AEN: variants seen among roughly 807,000 people sequenced by gnomAD.
AEN encodes the protein apoptosis-enhancing nuclease.
A neutral mutation model predicts 17.7 loss-of-function variants in AEN; 21 were observed. The observed-to-expected ratio is 1.19, with a 90% CI of 0.84 to 1.71. The LOEUF (loss-of-function observed/expected upper bound fraction) is 1.71. AEN is among the 40% of genes most tolerant of loss of function. The pLI is 0.00. For missense variants in AEN, 462 were observed against 435.9 expected, an observed-to-expected ratio of 1.06 and a Z score of -0.53; for synonymous variants, 190 against 173.0, an observed-to-expected ratio of 1.10 and a Z score of -0.77.
At chr15:88,625,736 A>T (rs1855981348) in intron 1 of AEN, among the ~76,000 whole-genome samples, 1 of 152,202 alleles carries the variant, frequency 6.6e-6, no homozygotes, top group African/African-American at 2.4e-5. Context: ...TTAGCTAAAA[A>T]TCACAGCAGA....
At chr15:88,625,443 T>C (rs890839824) in intron 1 of AEN, among the ~76,000 whole-genome samples, 1 of 152,156 alleles carries the variant, frequency 6.6e-6, no homozygotes, top group Admixed American at 6.5e-5. Flanking sequence ...ACTTGAGCCC[T>C]GCAGTGAGCT....
chr15:88,626,173 C>T lies in AEN; in HGVS notation c.-37C>T, dbSNP rs2057849069. The T allele has an allele frequency of 2.6e-6, 4 of 1,529,130 alleles. No individual in the cohort carries two copies. The highest frequency in any genetic ancestry group is 2.1e-5 in the Admixed American group (1 of 48,460). 94.7% of individuals were successfully genotyped at this position (1,529,130 alleles called of 1,614,324 possible). A position where few individuals can be genotyped will look rare whatever the true frequency, so the allele number is the denominator to read the frequency against. ...TGCTGCCCCATTGGAAGATTACTCCCCAGGCTTCCCTTGCCCCAAGCAGTG... is the reference window on the plus strand; with the variant it reads ...TGCTGCCCCATTGGAAGATTACTCCTCAGGCTTCCCTTGCCCCAAGCAGTG... On this transcript the variant is annotated 5_prime_UTR_variant, in exon 2 of 4. Transcript: ENST00000332810.
intron 1 of AEN, among the ~76,000 whole-genome samples, chr15:88,624,691 C>A (rs1204298954): frequency 3.3e-5 from 5 of 152,198 alleles, no homozygotes; most frequent in Non-Finnish European, 1.5e-5. Flanking sequence ...TGAGACCAGC[C>A]TGTCCAACAT....
At chr15:88,614,536 CT>C in the AEN span, among the ~76,000 whole-genome samples, 1 of 152,150 alleles carries the variant, frequency 6.6e-6, no homozygotes, top group Non-Finnish European at 1.5e-5. Context: ...TTATTGGAGT[CT>C]CAACACAAAA....
upstream of AEN, among the ~76,000 whole-genome samples, chr15:88,620,278 A>G (rs1373274739): frequency 6.6e-6 from 1 of 152,154 alleles, no homozygotes; most frequent in Non-Finnish European, 1.5e-5. Context: ...TGTAAAACTG[A>G]AATAATAGTA....
At position 88,630,510 on chromosome 15, in the gene AEN, T is replaced by C; in HGVS notation, c.*216T>C. On this transcript the variant is annotated 3_prime_UTR_variant, in exon 4 of 4. Transcript: ENST00000332810. The surrounding 1 kb of genome is among the most constrained non-coding windows in gnomAD (Gnocchi z 5.1). ...GCTGTTGGTTCTTTCTTCTGACTCC[T>C]GTGGTTTTGCTAATGGCACTTTACA... is the stretch of plus-strand genomic sequence containing the variant. The C allele has an allele frequency of 1.8e-6, 1 of 564,966 alleles. No individual in the cohort carries two copies. Among genetic ancestry groups the C allele is most frequent in the Non-Finnish European group, 3.2e-6 (1 of 314,956 alleles). 35.0% of individuals were successfully genotyped at this position (564,966 alleles called of 1,614,324 possible). A position where few individuals can be genotyped will look rare whatever the true frequency, so the allele number is the denominator to read the frequency against.
chr15:88,619,862 C>T (rs1433568372), upstream of AEN, among the ~76,000 whole-genome samples: 2 of 152,124 alleles, frequency 1.3e-5, no homozygotes, highest in Non-Finnish European at 2.9e-5. Context: ...GTGGGGAGCT[C>T]TTTATCCTCC....
At chr15:88,627,054 T>G (rs1239233092) in intron 2 of AEN, 1 of 340,216 alleles carries the variant, frequency 2.9e-6, no homozygotes, top group South Asian at 3.9e-5. Flanking sequence ...CGCATTGATA[T>G]AAAATTTGTA....
chr15:88,627,980 T>A (rs1324989001), intron 2 of AEN: 4 of 152,082 alleles, frequency 2.6e-5, no homozygotes, highest in African/African-American at 7.3e-5. Context: ...GTCCTACTTT[T>A]TCACATAACA....
intron 3 of AEN, 86 bp from the exon 4 acceptor site, chr15:88,629,970 AAG>A (rs2057905287): frequency 1.6e-6 from 2 of 1,277,650 alleles, no homozygotes; most frequent in South Asian, 2.5e-5. Context: ...GGCCTGCACA[AAG>A]AGCCCTGGGA....
chr15:88,620,821 C>T (rs1208889371), upstream of AEN, among the ~76,000 whole-genome samples: 3 of 152,174 alleles, frequency 2.0e-5, no homozygotes, highest in Non-Finnish European at 4.4e-5. Flanking sequence ...CACGTAGGAA[C>T]TTAATACTTA....
At chr15:88,622,451 G>C (rs2057800004) in intron 1 of AEN, among the ~76,000 whole-genome samples, 1 of 152,182 alleles carries the variant, frequency 6.6e-6, no homozygotes, top group African/African-American at 2.4e-5. Context: ...CTTTTAATCA[G>C]CTGGAAGCAT....
At chr15:88,622,805 T>G (rs1189021488) in intron 1 of AEN, among the ~76,000 whole-genome samples, 1 of 152,188 alleles carries the variant, frequency 6.6e-6, no homozygotes, top group African/African-American at 2.4e-5. Flanking sequence ...CTGCCTTTGG[T>G]TTTGCTTCCT....
chr15:88,629,968 C>T lies in AEN; in HGVS notation c.742-90C>T, dbSNP rs1959183250. 16 of 1,259,386 alleles carry T rather than the reference C, an allele frequency of 1.3e-5. No homozygotes were observed. The South Asian group carries it at 1.7e-4, about 13-fold the overall frequency. 78.0% of individuals were successfully genotyped at this position (1,259,386 alleles called of 1,614,324 possible). ...GAGCATACGTATTCTTGGGCCTGCA[C>T]AAAGAGCCCTGGGAAACTGGCCTTG... On this transcript the variant is annotated intron_variant, in intron 3 of 3. Transcript: ENST00000332810.
At chr15:88,613,207 A>T in the AEN span, among the ~76,000 whole-genome samples, 1 of 152,024 alleles carries the variant, frequency 6.6e-6, no homozygotes, top group Admixed American at 6.5e-5. Flanking sequence ...AAGGCACTTG[A>T]CCTCTCTGAA....
Position 88,630,039 on chromosome 15 carries a change from TG to T in AEN, c.742-18del. 1 of 1,613,084 alleles carries T rather than the reference TG, an allele frequency of 6.2e-7. No individual in the cohort carries two copies. Among genetic ancestry groups the T allele is most frequent in the Non-Finnish European group, 8.5e-7 (1 of 1,179,274 alleles). ...CTCACTAGGCCTGCAGGCAGTGATG[TG>T]TTGGCTCTCGTCAGTAGGTGGGCCA... is the stretch of plus-strand genomic sequence containing the variant. On this transcript the variant is annotated intron_variant, in intron 3 of 3. Coordinates refer to ENST00000332810, the MANE Select transcript of AEN (RefSeq NM_022767.4). The surrounding 1 kb of genome is among the most constrained non-coding windows in gnomAD (Gnocchi z 5.1).
rs746693789 is a variant in AEN, at chr15:88,629,417, G to A, written c.732G>A (p.Lys244=). Residue 244 remains lysine, a synonymous_variant, in exon 3 of 4, where the codon AAG becomes AAA. Transcript: ENST00000332810. ...LKDLALQLLH[K]KIQVGQHGHS... ...ACCTGGCCCTGCAGCTGCTGCACAA[G>A]AAGATCCAGGTGCGTGGTGGGAGAG... 1.9e-6 allele frequency: 3 copies of A among 1,613,738 alleles called. No homozygotes were observed. In the African/African-American group the frequency reaches 4.0e-5, roughly 22 times the overall value.
At chr15:88,607,765 CATT>C in the AEN span, among the ~76,000 whole-genome samples, 1 of 151,978 alleles carries the variant, frequency 6.6e-6, no homozygotes, top group Non-Finnish European at 1.5e-5. Context: ...AATTTTTATT[CATT>C]ATAATTTCAG....
In AEN at chr15:88,631,862, A is replaced by G. The variant is rs1438478667; in HGVS notation, c.*1568A>G. 1 of 152,456 alleles carries G rather than the reference A, an allele frequency of 6.6e-6. No homozygotes were observed. The highest frequency in any genetic ancestry group is 1.5e-5 in the Non-Finnish European group (1 of 68,210). 9.4% of individuals were successfully genotyped at this position (152,456 alleles called of 1,614,324 possible). A position where few individuals can be genotyped will look rare whatever the true frequency, so the allele number is the denominator to read the frequency against. ...TGTGTCTTGTCTGTGGCCACCAGGC[A>G]CAGGTTTGGCTTCCGGTCAGTGTCC... On this transcript the variant is annotated 3_prime_UTR_variant, in exon 4 of 4. Coordinates refer to ENST00000332810, the MANE Select transcript of AEN (RefSeq NM_022767.4).
Sources: gnomAD v4.1 joint callset for allele counts (sites outside exome capture counted in the v4.1 genomes callset) on GRCh38, gnomAD v4.1.1 for gene constraint, Gnocchi (gnomAD v3.1) non-coding constraint, MANE v1.5 for transcripts, NCBI Gene and HGNC (gene_info 2026-07-23, HGNC 2026-07-21) for gene names.